The following ZRANB1 variants were observed in gnomAD, a reference collection of about 807,000 sequenced individuals.
The protein encoded by ZRANB1 is ubiquitin thioesterase ZRANB1.
A neutral mutation model predicts 80.5 loss-of-function variants in ZRANB1; 16 were observed. That is an observed-to-expected ratio of 0.20 (90% CI 0.13 to 0.30). The LOEUF (loss-of-function observed/expected upper bound fraction) is 0.30. Ranked by LOEUF, ZRANB1 falls within the 10% of genes least tolerant of loss-of-function variation. The probability of loss-of-function intolerance (pLI) is 1.00; values close to 1 mark genes in which losing one functional copy is unlikely to be tolerated. For missense variants in ZRANB1, 576 were observed against 862.6 expected (o/e 0.67, Z 4.16); for synonymous variants, 291 against 293.1 (o/e 0.99, Z 0.07).
chr10:124,982,371 G>C (rs1489065519), intron 6 of ZRANB1, among the ~76,000 whole-genome samples: 1 of 152,164 alleles, frequency 6.6e-6, no homozygotes, highest in African/African-American at 2.4e-5. Context: ...GGGTAGTTTA[G>C]CTTACTCTGA....
At chr10:124,936,873 A>G in the ZRANB1 span, among the ~76,000 whole-genome samples, 4 of 152,200 alleles carry the variant, frequency 2.6e-5, no homozygotes, top group African/African-American at 7.2e-5. Context: ...CCGCAGATTT[A>G]TATTAATAAG....
At chr10:124,947,876 C>T (rs1951597972) in intron 1 of ZRANB1, among the ~76,000 whole-genome samples, 1 of 152,316 alleles carries the variant, frequency 6.6e-6, no homozygotes, top group East Asian at 1.9e-4. Flanking sequence ...GCCCTCCGTA[C>T]AATCTGCTGT....
At chr10:124,952,616 T>TC (rs1043570708) in intron 1 of ZRANB1, among the ~76,000 whole-genome samples, 1 of 150,316 alleles carries the variant, frequency 6.7e-6, no homozygotes, top group African/African-American at 2.4e-5. Context: ...AATAATATCT[T>TC]TTTTTTTTTG....
At chr10:124,963,097 C>G (rs977314334) in intron 1 of ZRANB1, among the ~76,000 whole-genome samples, 1 of 152,056 alleles carries the variant, frequency 6.6e-6, no homozygotes, top group Non-Finnish European at 1.5e-5. Context: ...GAAACCCCGT[C>G]TCTACTAAAA....
In ZRANB1 at chr10:124,983,310, C is replaced by T; in HGVS notation, c.1678+6C>T. The T allele has an allele frequency of 6.2e-7, 1 of 1,613,198 alleles. No homozygotes were observed. The highest frequency in any genetic ancestry group is 1.7e-4 in the Middle Eastern group (1 of 6,056). ...AGGATATACTCGGTTTCAAGGTAAG[C>T]CATTATTCAGGAACGTTTTACAAGT... On this transcript the variant is annotated splice_donor_region_variant and intron_variant, in intron 7 of 8. Coordinates refer to ENST00000359653, the MANE Select transcript of ZRANB1 (RefSeq NM_017580.3). The surrounding 1 kb of genome is among the most constrained non-coding windows in gnomAD (Gnocchi z 6.2).
chr10:124,929,193 G>A, the ZRANB1 span, among the ~76,000 whole-genome samples: 2 of 152,120 alleles, frequency 1.3e-5, no homozygotes, highest in Non-Finnish European at 2.9e-5. Context: ...TAGCTAATCT[G>A]TTTTGTAGCC....
chr10:124,935,765 GT>G, the ZRANB1 span, among the ~76,000 whole-genome samples: 1 of 152,296 alleles, frequency 6.6e-6, no homozygotes, highest in South Asian at 2.1e-4. Flanking sequence ...CTCTTCTTGG[GT>G]TTTACTAAAC....
intron 1 of ZRANB1, among the ~76,000 whole-genome samples, chr10:124,955,678 C>T (rs946746089): frequency 3.9e-5 from 6 of 152,146 alleles, no homozygotes; most frequent in African/African-American, 9.7e-5. Context: ...GTATTATCTT[C>T]AGGTAGTTTT....
At chr10:124,981,122 G>C (rs1951928863) in intron 5 of ZRANB1, among the ~76,000 whole-genome samples, 1 of 152,200 alleles carries the variant, frequency 6.6e-6, no homozygotes, top group Non-Finnish European at 1.5e-5. Flanking sequence ...ATATTTGATA[G>C]ACAAAGAATC....
At chr10:124,980,725 C>G (rs914807798) in intron 5 of ZRANB1, among the ~76,000 whole-genome samples, 2 of 152,114 alleles carry the variant, frequency 1.3e-5, no homozygotes, top group African/African-American at 4.8e-5. Context: ...CTCTAAGGAG[C>G]CCTTCATTAA....
the ZRANB1 span, among the ~76,000 whole-genome samples, chr10:124,930,705 G>A: frequency 3.3e-5 from 5 of 151,794 alleles, no homozygotes; most frequent in African/African-American, 2.4e-5. Context: ...TATTCTTGAC[G>A]TATATATTTG....
the ZRANB1 span, among the ~76,000 whole-genome samples, chr10:124,927,883 A>G: frequency 6.6e-6 from 1 of 152,214 alleles, no homozygotes; most frequent in East Asian, 1.9e-4. Flanking sequence ...CCAAAAACAC[A>G]AAAATTAGCT....
At chr10:124,971,144 C>T (rs930010177) in intron 2 of ZRANB1, among the ~76,000 whole-genome samples, 2 of 152,106 alleles carry the variant, frequency 1.3e-5, no homozygotes, top group African/African-American at 4.8e-5. Context: ...GTTTGTTACT[C>T]GCAGATGCTC....
At position 124,981,765 on chromosome 10, in the gene ZRANB1, A is replaced by G. The variant is rs1439122676; in HGVS notation, c.1484A>G (p.His495Arg). The G allele has an allele frequency of 6.2e-7, 1 of 1,613,600 alleles. No individual in the cohort carries two copies. The highest frequency in any genetic ancestry group is 8.5e-7 in the Non-Finnish European group (1 of 1,179,858). The change falls in exon 6 of 9, where the codon CAT becomes CGT. Residue 495 changes from histidine (H) to arginine (R), a missense_variant. Physicochemically the swap from His to Arg is conservative, Grantham distance 29. Around this residue, in one of 3 missense-constraint regions of ZRANB1, gnomAD observed 13 missense variants for 57.6 expected, o/e 0.23. Coordinates refer to ENST00000359653, the MANE Select transcript of ZRANB1 (RefSeq NM_017580.3). Reference sequence around the variant, plus strand: ...TGGTATTCTCAGAGCTTTGGTTTACATTTTTCCTTGAGAGAAGAACAGTGG... The same window carrying G: ...TGGTATTCTCAGAGCTTTGGTTTACGTTTTTCCTTGAGAGAAGAACAGTGG... Reference protein sequence around the residue: ...ESWYSQSFGLHFSLREEQWQE... With the variant: ...ESWYSQSFGLRFSLREEQWQE...
At position 124,942,562 on chromosome 10, in the gene ZRANB1, G is replaced by A. The variant is rs777943304; in HGVS notation, c.69G>A (p.Lys23=). 2.6e-5 allele frequency: 42 copies of A among 1,614,044 alleles called. No homozygotes were observed. The highest frequency in any genetic ancestry group is 3.3e-5 in the Non-Finnish European group (39 of 1,180,048). The change falls in exon 1 of 9, where the codon AAG becomes AAA. Residue 23 remains lysine (K), a synonymous_variant. Coordinates refer to ENST00000359653, the MANE Select transcript of ZRANB1 (RefSeq NM_017580.3). ...ATGAAAACTGGCCATCTGCAATCAA[G>A]TGTACTATGTGTCGTGCCCAAAGAC... ...CTYENWPSAI[K]CTMCRAQRPS...
rs1457990738 is a variant in ZRANB1 at position 124,942,957 on chromosome 10, G to C, written c.464G>C (p.Cys155Ser). The change falls in exon 1 of 9, where the codon TGC becomes TCC. Residue 155 changes from cysteine to serine, a missense_variant. By Grantham distance (112) the Cys-to-Ser change is moderately radical. Transcript: ENST00000359653. ...KLNTRTQHWT[C>S]SVCTYENWAK... The stretch of plus-strand genomic sequence containing the variant: ...AACACTAGGACACAGCACTGGACTT[G>C]CTCTGTTTGCACATATGAAAACTGG... 6.2e-7 allele frequency: 1 copy of C among 1,614,210 alleles called. No homozygotes were observed. Among genetic ancestry groups the C allele is most frequent in the South Asian group, 1.1e-5 (1 of 91,086 alleles).
intron 1 of ZRANB1, 36 bp from the exon 2 acceptor site, chr10:124,966,558 G>A: frequency 6.3e-7 from 1 of 1,589,648 alleles, no homozygotes; most frequent in Non-Finnish European, 8.6e-7. Flanking sequence ...AAGAAAATGA[G>A]AATTAAATGC....
At chr10:124,922,842 T>C in the ZRANB1 span, among the ~76,000 whole-genome samples, 2 of 152,108 alleles carry the variant, frequency 1.3e-5, no homozygotes, top group Non-Finnish European at 2.9e-5. Flanking sequence ...CGCCTGGCCC[T>C]AAATTTTTTA....
chr10:124,973,482 CAT>C (rs375191878), intron 3 of ZRANB1, among the ~76,000 whole-genome samples, 161 bp from the exon 4 acceptor site: 445 of 152,296 alleles, frequency 2.9e-3, no homozygotes, highest in Non-Finnish European at 4.7e-3. Flanking sequence ...TTATATCACA[CAT>C]GTTACACTGG....
Sources: gnomAD v4.1 joint callset for allele counts (sites outside exome capture counted in the v4.1 genomes callset) on GRCh38, gnomAD v4.1.1 for gene constraint, gnomAD v4.1.1 regional missense constraint, Gnocchi (gnomAD v3.1) non-coding constraint, MANE v1.5 for transcripts, NCBI Gene and HGNC (gene_info 2026-07-23, HGNC 2026-07-21) for gene names.